The following RALGAPA2 variants were observed in gnomAD, a reference collection of about 807,000 sequenced individuals.
The protein encoded by RALGAPA2 is Ral GTPase activating protein catalytic subunit alpha 2.
In RALGAPA2, 139 loss-of-function variants were observed where a neutral mutation model predicts 230.4. The ratio of observed to expected loss-of-function variants is 0.60; its 90% CI spans 0.53 to 0.69. RALGAPA2 has a LOEUF of 0.69. Ranked by LOEUF, RALGAPA2 falls within the 30% of genes least tolerant of loss-of-function variation. The probability of loss-of-function intolerance (pLI) is 0.00; values close to 1 mark genes in which losing one functional copy is unlikely to be tolerated. For missense variants in RALGAPA2, 2,163 were observed against 2,276.0 expected, an observed-to-expected ratio of 0.95 and a Z score of 1.01; for synonymous variants, 847 against 837.8, an observed-to-expected ratio of 1.01 and a Z score of -0.19.
intron 31 of RALGAPA2, among the ~76,000 whole-genome samples, chr20:20,516,538 C>A (rs1335704586): frequency 6.6e-6 from 1 of 152,180 alleles, no homozygotes; most frequent in Non-Finnish European, 1.5e-5. Context: ...AGGTCCTGAG[C>A]CTGTCGAAGT....
In RALGAPA2 at chr20:20,390,134, C is replaced by CA. The variant is rs2059580844; in HGVS notation, c.*3154_*3155insT. 1.3e-5 allele frequency: 2 copies of CA among 152,106 alleles called. No individual in the cohort carries two copies. The highest frequency in any genetic ancestry group is 2.4e-5 in the African/African-American group (1 of 41,406). 9.4% of individuals were successfully genotyped at this position (152,106 alleles called of 1,614,324 possible). A position where few individuals can be genotyped will look rare whatever the true frequency, so the allele number is the denominator to read the frequency against. On this transcript the variant is annotated 3_prime_UTR_variant, in exon 40 of 40. Coordinates refer to ENST00000202677, the MANE Select transcript of RALGAPA2 (RefSeq NM_020343.4). The stretch of plus-strand genomic sequence containing the variant: ...GATTCATCAGACCTCCACATGACAC[C>CA]GATACAGCAGGTCCATGGGGCGCAG...
chr20:20,541,648 AT>A (rs1337423978), intron 24 of RALGAPA2, among the ~76,000 whole-genome samples: 1 of 152,206 alleles, frequency 6.6e-6, no homozygotes, highest in African/African-American at 2.4e-5. Flanking sequence ...ATGGGGTGCA[AT>A]GTAAAGCTCT....
chr20:20,704,754 T>C (rs925360797), intron 1 of RALGAPA2, among the ~76,000 whole-genome samples: 1 of 152,200 alleles, frequency 6.6e-6, no homozygotes, highest in Non-Finnish European at 1.5e-5. Flanking sequence ...AGATAGGATG[T>C]GGCTCCTCTT....
At chr20:20,643,356 A>T in intron 5 of RALGAPA2, 150 bp downstream of exon 5, 1 of 744,200 alleles carries the variant, frequency 1.3e-6, no homozygotes, top group East Asian at 3.4e-5. Flanking sequence ...TAAGAACAAA[A>T]CCCTAACAAT....
At chr20:20,634,374 T>C (rs1163888354) in intron 9 of RALGAPA2, among the ~76,000 whole-genome samples, 2 of 152,230 alleles carry the variant, frequency 1.3e-5, no homozygotes, top group African/African-American at 4.8e-5. Context: ...TATTTGCTAA[T>C]TTTTTAAACT....
At chr20:20,553,836 G>T (rs1369450823) in intron 23 of RALGAPA2, among the ~76,000 whole-genome samples, 1 of 152,164 alleles carries the variant, frequency 6.6e-6, no homozygotes, top group Admixed American at 6.6e-5. Flanking sequence ...AGAAAAACTT[G>T]GCTGGCCTTT....
intron 17 of RALGAPA2, 105 bp from the exon 18 acceptor site, chr20:20,589,470 T>A: frequency 8.1e-7 from 1 of 1,237,440 alleles, no homozygotes; most frequent in Non-Finnish European, 1.1e-6. Context: ...TTAAATATTC[T>A]AAGGTATGTA....
At chr20:20,667,869 A>T (rs1440986993) in intron 3 of RALGAPA2, among the ~76,000 whole-genome samples, 2 of 152,184 alleles carry the variant, frequency 1.3e-5, no homozygotes, top group Admixed American at 1.3e-4. Context: ...GTAGAATGAC[A>T]TTGTGCATGG....
At chr20:20,496,833 T>A (rs1231946796) in intron 35 of RALGAPA2, among the ~76,000 whole-genome samples, 5 of 152,216 alleles carry the variant, frequency 3.3e-5, no homozygotes, top group African/African-American at 9.6e-5. Context: ...CTGTTTATTC[T>A]TCACTCTCTC....
intron 36 of RALGAPA2, among the ~76,000 whole-genome samples, chr20:20,491,417 G>A (rs1398204469): frequency 6.6e-6 from 1 of 152,052 alleles, no homozygotes; most frequent in Non-Finnish European, 1.5e-5. Flanking sequence ...CCTACCCTCT[G>A]GTCAACTGGT....
At chr20:20,424,094 C>T (rs554135859) in intron 37 of RALGAPA2, among the ~76,000 whole-genome samples, 9 of 152,286 alleles carry the variant, frequency 5.9e-5, no homozygotes, top group East Asian at 5.8e-4. Flanking sequence ...TCCTAGAATC[C>T]GAGGCGCTCC....
chr20:20,490,283 T>C (rs1230989009), intron 36 of RALGAPA2, among the ~76,000 whole-genome samples: 1 of 152,204 alleles, frequency 6.6e-6, no homozygotes, highest in Admixed American at 6.5e-5. Context: ...GAAATTTGAT[T>C]TTAATTTAAC....
At chr20:20,524,258 G>C (rs1433511135) in intron 30 of RALGAPA2, 148 bp downstream of exon 30, 2 of 1,141,726 alleles carry the variant, frequency 1.8e-6, no homozygotes. Flanking sequence ...GCCCAGCCAA[G>C]TTATTTACTT....
At chr20:20,556,186 C>A (rs934103429) in intron 23 of RALGAPA2, among the ~76,000 whole-genome samples, 22 of 152,158 alleles carry the variant, frequency 1.4e-4, no homozygotes, top group Admixed American at 1.4e-3. Context: ...AAATGATTCT[C>A]CATCAGATGA....
intron 2 of RALGAPA2, among the ~76,000 whole-genome samples, chr20:20,677,334 C>G (rs1365747506): frequency 2.6e-5 from 4 of 152,080 alleles, no homozygotes; most frequent in African/African-American, 9.7e-5. Context: ...AGGAAGCAAG[C>G]CATATGGAAA....
chr20:20,555,661 C>A (rs1413210092), intron 23 of RALGAPA2, among the ~76,000 whole-genome samples: 1 of 152,122 alleles, frequency 6.6e-6, no homozygotes, highest in African/African-American at 2.4e-5. Flanking sequence ...CTTTTTGATG[C>A]TATTGTAAAT....
intron 1 of RALGAPA2, among the ~76,000 whole-genome samples, chr20:20,691,680 C>G (rs1378664281): frequency 1.3e-5 from 2 of 152,140 alleles, no homozygotes; most frequent in Non-Finnish European, 2.9e-5. Context: ...TAGCAGATAC[C>G]CATGTAATCT....
chr20:20,565,355 C>A (rs552714667), intron 23 of RALGAPA2, among the ~76,000 whole-genome samples: 1 of 152,098 alleles, frequency 6.6e-6, no homozygotes, highest in African/African-American at 2.4e-5. Flanking sequence ...AAAGGTGATG[C>A]AATTATTACA....
At chr20:20,678,217 T>C (rs1394212350) in intron 2 of RALGAPA2, among the ~76,000 whole-genome samples, 1 of 152,232 alleles carries the variant, frequency 6.6e-6, no homozygotes, top group Non-Finnish European at 1.5e-5. Flanking sequence ...TTATTCCTTG[T>C]AGGCATTTTC....
Sources: gnomAD v4.1 joint callset for allele counts (sites outside exome capture counted in the v4.1 genomes callset) on GRCh38, gnomAD v4.1.1 for gene constraint, MANE v1.5 for transcripts, NCBI Gene and HGNC (gene_info 2026-07-23, HGNC 2026-07-21) for gene names.